SCO2: variants seen among roughly 807,000 people sequenced by gnomAD.
SCO2 encodes the protein synthesis of cytochrome C oxidase 2.
For synonymous variants in SCO2, 195 were observed against 148.6 expected (o/e 1.31, Z -2.27); for missense variants, 429 against 348.7 (o/e 1.23, Z -1.83).
At chr22:50,526,066 C>G (rs1419699854), upstream of SCO2, 1 of 1,484,254 alleles carries the variant, frequency 6.7e-7, no homozygotes, top group African/African-American at 1.5e-5. Context: ...GAGCGGCTCC[C>G]CAGCGCGGCT....
In SCO2 at chr22:50,523,594, G is replaced by A; in HGVS notation, c.*17C>T. On this transcript the variant is annotated 3_prime_UTR_variant, in exon 2 of 2. Coordinates refer to ENST00000395693, the MANE Select transcript of SCO2 (RefSeq NM_005138.3). ...TAAACGCAGCCCGTTTAATGATGGG[G>A]CCCAGACTGCAGTGGCTCAAGACAG... 1 of 1,612,122 alleles carries A rather than the reference G, an allele frequency of 6.2e-7. No homozygotes were observed. The highest frequency in any genetic ancestry group is 8.5e-7 in the Non-Finnish European group (1 of 1,179,510).
upstream of SCO2, chr22:50,525,697 G>C: frequency 6.4e-7 from 1 of 1,561,812 alleles, no homozygotes; most frequent in Middle Eastern, 1.9e-4. Flanking sequence ...TCATCGAGAC[G>C]GCCCCCGCCT....
rs769250383 is a variant in SCO2 at position 50,523,705 on chromosome 22, A to G, written c.707T>C (p.Leu236Pro). Residue 236 changes from leucine (L) to proline (P), a missense_variant, in exon 2 of 2, where the codon CTC becomes CCC. Transcript: ENST00000395693. ...IAIYLLNPDG[L>P]FTDYYGRSRS... ...GCTCCGGCCGTAGTAATCCGTGAAGAGGCCGTCAGGGTTGAGCAGGTAGAT... is the reference window on the plus strand; with the variant it reads ...GCTCCGGCCGTAGTAATCCGTGAAGGGGCCGTCAGGGTTGAGCAGGTAGAT... The G allele has an allele frequency of 1.2e-6, 2 of 1,614,172 alleles. No individual in the cohort carries two copies. Among genetic ancestry groups the G allele is most frequent in the Non-Finnish European group, 1.7e-6 (2 of 1,180,018 alleles).
At chr22:50,526,334 G>A (rs772042113), upstream of SCO2, 191 of 1,561,244 alleles carry the variant, frequency 1.2e-4, no homozygotes, top group Middle Eastern at 1.9e-3. Context: ...ACAGGGCTCG[G>A]GCCAGACCGG....
In SCO2 at chr22:50,524,233, C is replaced by G; in HGVS notation, c.179G>C (p.Arg60Pro). Residue 60 changes from arginine (R) to proline (P), a missense_variant, in exon 2 of 2, where the codon CGG (arginine) becomes CCG (proline). Physicochemically the swap from Arg to Pro is moderately radical, Grantham distance 103. Transcript: ENST00000395693. ...CCCGAACAGGCCTGTGATCAGCAGC[C>G]GGGTTCGAAGCCCAGGGCCCTGGGG... ...GQPQGPGLRT[R>P]LLITGLFGAG... 3 of 1,607,244 alleles carry G rather than the reference C, an allele frequency of 1.9e-6. No homozygotes were observed. Among genetic ancestry groups the G allele is most frequent in the Non-Finnish European group, 1.7e-6 (2 of 1,179,880 alleles).
Position 50,524,284 on chromosome 22 carries a change from G to A in SCO2, c.128C>T (p.Pro43Leu), listed in dbSNP as rs1380496419. Residue 43 changes from proline to leucine, a missense_variant, in exon 2 of 2, where the codon CCT (proline) becomes CTT (leucine). Pro to Leu is a moderately conservative substitution (Grantham distance 98). Coordinates refer to ENST00000395693, the MANE Select transcript of SCO2 (RefSeq NM_005138.3). ...CTGGCCCTGCCCACCTGTCTCTGCA[G>A]GGCCCTGCCTTGACAAAAGCCAGGA... ...LRSWLLSRQG[P>L]AETGGQGQPQ... 1.3e-5 allele frequency: 21 copies of A among 1,603,610 alleles called. No individual in the cohort carries two copies. The highest frequency in any genetic ancestry group is 1.5e-5 in the Non-Finnish European group (18 of 1,179,820).
intron 1 of SCO2, 107 bp from the exon 2 acceptor site, chr22:50,524,531 G>T (rs747263545): frequency 1.1e-4 from 107 of 1,014,462 alleles, no homozygotes; most frequent in Non-Finnish European, 1.5e-4. Flanking sequence ...CCCAGCCCAC[G>T]TTCAGGCTTA....
chr22:50,524,612 C>T lies in SCO2; in HGVS notation c.-13-188G>A, dbSNP rs377307487. On this transcript the variant is annotated intron_variant, in intron 1 of 1. Transcript: ENST00000395693. ...CCAAACATCCACACCTGGGCAACCA[C>T]ACCTGTCACTCCTGTCCTCTACCTG... 39 of 714,674 alleles carry T rather than the reference C, an allele frequency of 5.5e-5. 1 individual carries two copies. In the African/African-American group the frequency reaches 6.3e-4, roughly 12 times the overall value. 44.3% of individuals were successfully genotyped at this position (714,674 alleles called of 1,614,324 possible).
Position 50,525,496 on chromosome 22 carries a change from G to A in SCO2, c.-38C>T. 1.9e-6 allele frequency: 1 copy of A among 525,616 alleles called. No individual in the cohort carries two copies. Among genetic ancestry groups the A allele is most frequent in the Non-Finnish European group, 3.4e-6 (1 of 298,296 alleles). The allele number at this position is 525,616 out of a possible 1,614,324, so 32.6% of individuals were successfully genotyped here. ...CCTCGCGGCGGGGCCGCGCGTCAGT[G>A]GACCAAGCACGAGAGGAAGCGCCGA... On this transcript the variant is annotated 5_prime_UTR_variant, in exon 1 of 2. Coordinates refer to ENST00000395693, the MANE Select transcript of SCO2 (RefSeq NM_005138.3).
At chr22:50,525,874 C>T, upstream of SCO2, 5 of 1,590,864 alleles carry the variant, frequency 3.1e-6, no homozygotes, top group Non-Finnish European at 4.3e-6. Context: ...CTCTGCGGGC[C>T]GCTGAGCGCG....
At chr22:50,526,263 A>C (rs2069369073), upstream of SCO2, 15 of 1,538,370 alleles carry the variant, frequency 9.8e-6, no homozygotes, top group African/African-American at 2.8e-5. Context: ...GGGCGCCAGC[A>C]GCTCCTCCTG....
rs550512796 is a variant in SCO2, at chr22:50,523,794, G to A, written c.618C>T (p.Arg206=). 9.9e-6 allele frequency: 16 copies of A among 1,614,168 alleles called. No individual in the cohort carries two copies. In the Admixed American group the frequency reaches 1.2e-4, roughly 12 times the overall value. Residue 206 remains arginine, a synonymous_variant, in exon 2 of 2, where the codon CGC becomes CGT. Coordinates refer to ENST00000395693, the MANE Select transcript of SCO2 (RefSeq NM_005138.3). ...CCTTGGGGCCTGCATTGTAGTACAC[G>A]CGGTAACTGTGACTAGCCTGGGCAA... is the stretch of plus-strand genomic sequence containing the variant. ...KQVAQASHSY[R]VYYNAGPKDE... is the part of the protein sequence containing the mutation.
In SCO2 at chr22:50,524,050, C is replaced by A; in HGVS notation, c.362G>T (p.Gly121Val). 6.2e-7 allele frequency: 1 copy of A among 1,613,428 alleles called. No homozygotes were observed. Among genetic ancestry groups the A allele is most frequent in the Non-Finnish European group, 8.5e-7 (1 of 1,180,000 alleles). ...GRARCKADFR[G>V]QWVLMYFGFT... is the part of the protein sequence containing the mutation. ...GCCAAAGTACATCAGCACCCACTGG[C>A]CCCGGAAGTCAGCCTTGCAGCGAGC... Residue 121 changes from glycine (G) to valine (V), a missense_variant, in exon 2 of 2, where the codon GGC becomes GTC. By Grantham distance (109) the Gly-to-Val change is moderately radical. Coordinates refer to ENST00000395693, the MANE Select transcript of SCO2 (RefSeq NM_005138.3).
rs755241428 is a variant in SCO2 at position 50,523,640 on chromosome 22, T to C, written c.772A>G (p.Met258Val). 2.6e-5 allele frequency: 42 copies of C among 1,613,836 alleles called. No individual in the cohort carries two copies. Among genetic ancestry groups the C allele is most frequent in the Non-Finnish European group, 3.4e-5 (40 of 1,180,040 alleles). Residue 258 changes from methionine (M) to valine (V), a missense_variant, in exon 2 of 2, where the codon ATG becomes GTG. By Grantham distance (21) the Met-to-Val change is conservative. Transcript: ENST00000395693. ...GACAGGACACTGCGGAAAGCCGCCA[T>C]GTGCCGCCGCACACTGTCTGAGATC... ...EQISDSVRRHMAAFRSVLS is the reference protein window; with the variant it reads ...EQISDSVRRHVAAFRSVLS
intron 1 of SCO2, chr22:50,524,677 A>G (rs1440954838): frequency 1.5e-6 from 1 of 680,262 alleles, no homozygotes; most frequent in Non-Finnish European, 2.8e-6. Flanking sequence ...CTGCACCTGC[A>G]CCTCAGCAAG....
chr22:50,525,731 C>G (rs371962404), upstream of SCO2: 6 of 1,599,592 alleles, frequency 3.8e-6, no homozygotes, highest in African/African-American at 4.0e-5. Context: ...TCCTTCCGCT[C>G]CCGCCCAAGC....
chr22:50,524,352 C>G lies in SCO2; in HGVS notation c.60G>C (p.Arg20=). The G allele has an allele frequency of 6.2e-7, 1 of 1,602,034 alleles. No homozygotes were observed. Among genetic ancestry groups the G allele is most frequent in the Non-Finnish European group, 8.5e-7 (1 of 1,179,902 alleles). The change falls in exon 2 of 2, where the codon CGG becomes CGC. Residue 20 remains arginine (R), a synonymous_variant. Coordinates refer to ENST00000395693, the MANE Select transcript of SCO2 (RefSeq NM_005138.3). ...GGCCTCCCAGGGTCCCAGGGAGGAC[C>G]CGAGGCTTGAGCTGAGAGAGCCTGT... ...AWHRLSQLKP[R]VLPGTLGGQA...
rs1340504895 is a variant in SCO2 at position 50,524,151 on chromosome 22, C to T, written c.261G>A (p.Gln87=). Residue 87 remains glutamine (Q), a synonymous_variant, in exon 2 of 2, where the codon CAG becomes CAA. Coordinates refer to ENST00000395693, the MANE Select transcript of SCO2 (RefSeq NM_005138.3). ...ALRAEKERLQ[Q]QKRTEALRQA... ...GGCGCAGGGCTTCTGTTCGCTTTTG[C>T]TGCTGCAGCCTCTCCTTCTCAGCCC... 17 of 1,611,318 alleles carry T rather than the reference C, an allele frequency of 1.1e-5. No individual in the cohort carries two copies. In the African/African-American group the frequency reaches 2.1e-4, roughly 20 times the overall value.
In SCO2 at chr22:50,524,203, C is replaced by G. The variant is rs1282424848; in HGVS notation, c.209G>C (p.Gly70Ala). Residue 70 changes from glycine (G) to alanine (A), a missense_variant, in exon 2 of 2, where the codon GGA (glycine) becomes GCA (alanine). Physicochemically the swap from Gly to Ala is moderately conservative, Grantham distance 60. Coordinates refer to ENST00000395693, the MANE Select transcript of SCO2 (RefSeq NM_005138.3). ...CAGGGCCAGCCAGGCCCCACCGAGT[C>G]CAGCCCCGAACAGGCCTGTGATCAG... is the stretch of plus-strand genomic sequence containing the variant. ...RLLITGLFGA[G>A]LGGAWLALRA... 10 of 1,608,518 alleles carry G rather than the reference C, an allele frequency of 6.2e-6. No homozygotes were observed. The Admixed American group carries it at 8.3e-5, about 13-fold the overall frequency.
Sources: allele counts gnomAD v4.1 joint callset, GRCh38; gene constraint gnomAD v4.1.1; transcripts MANE v1.5; gene names NCBI Gene and HGNC (gene_info 2026-07-23, HGNC 2026-07-21).